Variants in LIX1 observed in about 807,000 individuals in gnomAD.
LIX1 encodes limb and CNS expressed 1.
A neutral mutation model predicts 33.4 loss-of-function variants in LIX1; 24 were observed. The observed-to-expected ratio is 0.72, with a 90% confidence interval of 0.52 to 1.01. LIX1 has a LOEUF of 1.01. LIX1 is among the 50% of genes least tolerant of loss of function. The pLI is 0.00. For missense variants in LIX1, 311 were observed against 339.2 expected (o/e 0.92, Z 0.65); for synonymous variants, 124 against 124.0 (o/e 1.00, Z 0.00).
In LIX1 at chr5:97,103,747, CG is replaced by C. The variant is rs1366919435; in HGVS notation, c.483+1442del. On this transcript the variant is annotated intron_variant, in intron 4 of 5. Transcript: ENST00000274382. Reference sequence around the variant, plus strand: ...TTGGGAGGCCAAGGCGGGCAGATCACGAGGTCAGGAGATGGAGACCATCCTG... The same window carrying C: ...TTGGGAGGCCAAGGCGGGCAGATCACAGGTCAGGAGATGGAGACCATCCTG... Among the ~76,000 whole-genome samples the C allele has an allele frequency of 2.0e-5, 3 of 152,080 alleles. No individual in the cohort carries two copies. In the East Asian group the frequency reaches 5.8e-4, roughly 29 times the overall value.
intron 2 of LIX1, among the ~76,000 whole-genome samples, chr5:97,119,389 GA>G (rs1747723852): frequency 6.6e-6 from 1 of 152,320 alleles, no homozygotes; most frequent in Non-Finnish European, 1.5e-5. Flanking sequence ...GTTATATGGT[GA>G]AAATAGCATT....
chr5:97,128,110 C>G (rs1747974538), intron 1 of LIX1, among the ~76,000 whole-genome samples: 1 of 152,220 alleles, frequency 6.6e-6, no homozygotes, highest in Non-Finnish European at 1.5e-5. Flanking sequence ...TTAAAATGCT[C>G]CCAATATAGC....
chr5:97,095,734 G>A (rs17592834), intron 5 of LIX1, among the ~76,000 whole-genome samples: 9,066 of 152,082 alleles, frequency 0.06, 344 homozygotes, highest in African/African-American at 0.091. Flanking sequence ...AAAATTTGTC[G>A]ATACATAATA....
intron 2 of LIX1, among the ~76,000 whole-genome samples, chr5:97,121,492 C>T (rs1747784950): frequency 6.6e-6 from 1 of 152,128 alleles, no homozygotes; most frequent in Admixed American, 6.6e-5. Context: ...TTCTAGAAGA[C>T]TTTACTTAGT....
At position 97,094,590 on chromosome 5, in the gene LIX1, C is replaced by G. The variant is rs1746246412; in HGVS notation, c.*158G>C. The G allele has an allele frequency of 3.1e-6, 2 of 649,638 alleles. No individual in the cohort carries two copies. 40.2% of individuals were successfully genotyped at this position (649,638 alleles called of 1,614,324 possible). ...TGGCTTGTTGGGTCTTGTAAGGGTC[C>G]TACGACTCTCATACTCTGTAAATGG... On this transcript the variant is annotated 3_prime_UTR_variant, in exon 6 of 6. Transcript: ENST00000274382.
chr5:97,123,831 A>AT (rs1326391985), intron 2 of LIX1, among the ~76,000 whole-genome samples: 5 of 152,020 alleles, frequency 3.3e-5, no homozygotes, highest in South Asian at 2.1e-4. Context: ...TAAGAGTGTC[A>AT]TTTTTTCCCT....
At chr5:97,095,086 AC>A (rs777427141) in intron 5 of LIX1, 51 bp from the exon 6 acceptor site, 38 of 1,535,766 alleles carry the variant, frequency 2.5e-5, no homozygotes, top group Middle Eastern at 4.1e-4. Context: ...CAACAAAGGC[AC>A]CCGTCCACAT....
chr5:97,110,988 A>C (rs1747359532), intron 2 of LIX1, among the ~76,000 whole-genome samples: 1 of 152,150 alleles, frequency 6.6e-6, no homozygotes. Context: ...CTGAAAATTT[A>C]TAGGACATTG....
chr5:97,131,302 T>C (rs115412935), intron 1 of LIX1, among the ~76,000 whole-genome samples: 353 of 152,320 alleles, frequency 2.3e-3, no homozygotes, highest in African/African-American at 8.2e-3. Flanking sequence ...GTTGTGTCCT[T>C]TCCCTCCCTT....
At chr5:97,135,503 T>C (rs1748152221) in intron 1 of LIX1, among the ~76,000 whole-genome samples, 1 of 152,146 alleles carries the variant, frequency 6.6e-6, no homozygotes, top group Non-Finnish European at 1.5e-5. Flanking sequence ...TTCTATTGGG[T>C]AATGACATTG....
At chr5:97,115,703 G>GTGCC (rs61659537) in intron 2 of LIX1, among the ~76,000 whole-genome samples, 1,664 of 151,794 alleles carry the variant, frequency 0.011, 24 homozygotes, top group African/African-American at 0.038. Flanking sequence ...CTTTTCACTG[G>GTGCC]TGCCTCCCAA....
intron 1 of LIX1, among the ~76,000 whole-genome samples, chr5:97,133,923 T>C (rs1011862667): frequency 2.6e-5 from 4 of 152,160 alleles, no homozygotes; most frequent in Non-Finnish European, 5.9e-5. Context: ...AAGTCCTGCA[T>C]AGAAGACAGT....
chr5:97,141,919 G>T (rs908167830), intron 1 of LIX1, among the ~76,000 whole-genome samples: 1 of 152,160 alleles, frequency 6.6e-6, no homozygotes, highest in African/African-American at 2.4e-5. Context: ...AATTGGTGAT[G>T]GTGGTAGGGG....
At chr5:97,140,375 G>A (rs1444344369) in intron 1 of LIX1, among the ~76,000 whole-genome samples, 1 of 152,156 alleles carries the variant, frequency 6.6e-6, no homozygotes, top group East Asian at 1.9e-4. Flanking sequence ...CAAGTGCTCA[G>A]CTCTTTCCTT....
chr5:97,132,012 G>T (rs902250732), intron 1 of LIX1, among the ~76,000 whole-genome samples: 3 of 152,202 alleles, frequency 2.0e-5, no homozygotes, highest in Admixed American at 6.5e-5. Context: ...GGAAACTCCT[G>T]AACAGGGATA....
chr5:97,119,949 G>A (rs1747739385), intron 2 of LIX1, among the ~76,000 whole-genome samples: 1 of 152,136 alleles, frequency 6.6e-6, no homozygotes, highest in Non-Finnish European at 1.5e-5. Context: ...ATTCTAGATA[G>A]AGTATAATGA....
At chr5:97,109,492 G>A (rs1403076744) in intron 2 of LIX1, among the ~76,000 whole-genome samples, 2 of 152,154 alleles carry the variant, frequency 1.3e-5, no homozygotes, top group African/African-American at 2.4e-5. Flanking sequence ...GGGCTCAAGC[G>A]ATCCACCTGC....
chr5:97,123,266 C>T (rs888868585), intron 2 of LIX1, among the ~76,000 whole-genome samples: 2 of 152,136 alleles, frequency 1.3e-5, no homozygotes, highest in Non-Finnish European at 2.9e-5. Context: ...AGCTTCAGAT[C>T]TTACTTTTTT....
intron 1 of LIX1, among the ~76,000 whole-genome samples, chr5:97,129,577 T>C (rs1289757582): frequency 6.6e-6 from 1 of 152,020 alleles, no homozygotes; most frequent in Non-Finnish European, 1.5e-5. Context: ...AAGTTGAAGG[T>C]GTAATCACAC....
Sources: allele counts gnomAD v4.1 joint callset (sites outside exome capture counted in the v4.1 genomes callset), GRCh38; gene constraint gnomAD v4.1.1; transcripts MANE v1.5; gene names NCBI Gene and HGNC (gene_info 2026-07-23, HGNC 2026-07-21).